Variants in TRIP12 observed in about 807,000 individuals in gnomAD.
TRIP12 encodes the protein thyroid hormone receptor interactor 12, also known as E3 ubiquitin-protein ligase TRIP12.
In TRIP12, 25 loss-of-function variants were observed where a neutral mutation model predicts 244.2. The observed-to-expected ratio is 0.10, with a 90% CI of 0.07 to 0.14. The LOEUF (loss-of-function observed/expected upper bound fraction) is 0.14. Among genes scored for constraint, TRIP12 ranks in the 10% least tolerant of loss-of-function variants. TRIP12 has a pLI of 1.00. For missense variants in TRIP12, 1,677 were observed against 2,486.4 expected (o/e 0.67, Z 6.92); for synonymous variants, 905 against 873.1 (o/e 1.04, Z -0.64).
At chr2:229,868,611 C>G (rs1008851917) in intron 2 of TRIP12, among the ~76,000 whole-genome samples, 1 of 152,230 alleles carries the variant, frequency 6.6e-6, no homozygotes, top group East Asian at 1.9e-4. Context: ...TCCTCCCAAA[C>G]AAGAAGCAGT....
chr2:229,886,013 A>G (rs1259516926), intron 1 of TRIP12, among the ~76,000 whole-genome samples: 1 of 152,176 alleles, frequency 6.6e-6, no homozygotes, highest in Non-Finnish European at 1.5e-5. Context: ...GTACAATCTT[A>G]AAGAAAAACG....
intron 2 of TRIP12, among the ~76,000 whole-genome samples, chr2:229,878,791 C>G (rs1195318547): frequency 6.6e-6 from 1 of 151,800 alleles, no homozygotes; most frequent in Non-Finnish European, 1.5e-5. Context: ...ACCATGTTAG[C>G]CAGGATGGTC....
chr2:229,866,823 C>T (rs1466630087), intron 2 of TRIP12, among the ~76,000 whole-genome samples: 2 of 152,096 alleles, frequency 1.3e-5, no homozygotes, highest in Non-Finnish European at 2.9e-5. Flanking sequence ...TTATAGGCCA[C>T]ACCATTTAAA....
At chr2:229,790,937 T>C (rs1056521011) in intron 30 of TRIP12, among the ~76,000 whole-genome samples, 187 bp downstream of exon 30, 2 of 152,222 alleles carry the variant, frequency 1.3e-5, no homozygotes, top group South Asian at 2.1e-4. Flanking sequence ...ATTTTGTAGG[T>C]ACTTAATTTT....
At chr2:229,915,604 G>C (rs2075226703) in intron 1 of TRIP12, among the ~76,000 whole-genome samples, 1 of 122,558 alleles carries the variant, frequency 8.2e-6, no homozygotes, top group Non-Finnish European at 1.7e-5. Flanking sequence ...ACACTACTTG[G>C]GATTAGTGTC....
intron 1 of TRIP12, among the ~76,000 whole-genome samples, chr2:229,917,346 A>C (rs1302257122): frequency 8.0e-6 from 1 of 124,312 alleles, no homozygotes; most frequent in Admixed American, 1.1e-4. Flanking sequence ...GCGCCATTGC[A>C]CTCCACCCTG....
upstream of TRIP12, chr2:229,922,746 T>C (rs966156385): frequency 3.6e-6 from 3 of 840,030 alleles, no homozygotes; most frequent in South Asian, 1.8e-5. Flanking sequence ...GCCGGGAGAT[T>C]TTCCTCGTCA....
chr2:229,883,986 G>T (rs576913186), intron 1 of TRIP12, among the ~76,000 whole-genome samples: 1 of 151,890 alleles, frequency 6.6e-6, no homozygotes, highest in African/African-American at 2.4e-5. Context: ...GTGCGCACCT[G>T]TAAAATCCCA....
In TRIP12 at chr2:229,869,835, C is replaced by T. The variant is rs560224896; in HGVS notation, c.99-9304G>A. ...CAACACAACTTTAAAGAACTACTAA[C>T]GAATTTAAACTTGCCAGAACGTTAG... is the stretch of plus-strand genomic sequence containing the variant. On this transcript the variant is annotated intron_variant, in intron 2 of 41. Transcript: ENST00000675903. 9.2e-5 allele frequency among the ~76,000 whole-genome samples: 14 copies of T among 152,308 alleles called. No homozygotes were observed. The East Asian group carries it at 2.5e-3, about 27-fold the overall frequency.
chr2:229,922,315 G>A, upstream of TRIP12: 1 of 592,734 alleles, frequency 1.7e-6, no homozygotes, highest in Non-Finnish European at 3.0e-6. Flanking sequence ...TCCCCCTCGG[G>A]TCACCCGGGA....
intron 5 of TRIP12, among the ~76,000 whole-genome samples, chr2:229,839,063 C>A (rs2055632532): frequency 6.6e-6 from 1 of 152,176 alleles, no homozygotes; most frequent in Non-Finnish European, 1.5e-5. Flanking sequence ...CAGTCATGTG[C>A]TGCATAATGT....
chr2:229,863,681 T>A (rs1381080892), intron 2 of TRIP12, among the ~76,000 whole-genome samples: 1 of 152,164 alleles, frequency 6.6e-6, no homozygotes, highest in Non-Finnish European at 1.5e-5. Context: ...TATAAATTAT[T>A]AATGCTCAAA....
chr2:229,787,160 C>A (rs1574988171), intron 33 of TRIP12, among the ~76,000 whole-genome samples: 1 of 152,102 alleles, frequency 6.6e-6, no homozygotes, highest in Admixed American at 6.5e-5. Context: ...CATAAGGGAT[C>A]AATTTTTAAA....
rs748549833 is a variant in TRIP12, at chr2:229,802,216, C to G, written c.3206+36G>C. ...TTAGGTACCAAAGCAGCGCTAACAGCAAAGAAATAAAAATCACAACACAAT... is the reference window on the plus strand; with the variant it reads ...TTAGGTACCAAAGCAGCGCTAACAGGAAAGAAATAAAAATCACAACACAAT... On this transcript the variant is annotated intron_variant, in intron 21 of 41. Transcript: ENST00000675903. 95 of 1,540,320 alleles carry G rather than the reference C, an allele frequency of 6.2e-5. No homozygotes were observed. In the Middle Eastern group the frequency reaches 3.1e-3, roughly 50 times the overall value.
chr2:229,841,057 C>T (rs910298076), intron 4 of TRIP12, 130 bp from the exon 5 acceptor site: 1 of 659,524 alleles, frequency 1.5e-6, no homozygotes, highest in Non-Finnish European at 2.6e-6. Flanking sequence ...AGCAGTATTA[C>T]TAGCTTTATT....
chr2:229,861,446 A>G (rs2060469011), intron 2 of TRIP12, among the ~76,000 whole-genome samples: 2 of 152,198 alleles, frequency 1.3e-5, no homozygotes, highest in Admixed American at 6.5e-5. Context: ...TATGTAATTC[A>G]TAGCTGATAT....
At chr2:229,785,951 A>C in intron 33 of TRIP12, 96 bp from the exon 34 acceptor site, 8 of 1,116,364 alleles carry the variant, frequency 7.2e-6, no homozygotes, top group African/African-American at 1.6e-5. Context: ...GAACAAGATC[A>C]ACTCAATTGT....
chr2:229,777,015 A>T (rs1218759602), intron 37 of TRIP12, among the ~76,000 whole-genome samples: 1 of 152,218 alleles, frequency 6.6e-6, no homozygotes, highest in African/African-American at 2.4e-5. Context: ...AAATGCTAAA[A>T]GATGATATAA....
intron 1 of TRIP12, among the ~76,000 whole-genome samples, chr2:229,904,689 C>T (rs1014131137): frequency 1.3e-5 from 2 of 152,006 alleles, no homozygotes; most frequent in Non-Finnish European, 2.9e-5. Flanking sequence ...TTAACAATTG[C>T]TCTATACTTT....
Sources: allele counts gnomAD v4.1 joint callset (sites outside exome capture counted in the v4.1 genomes callset), GRCh38; gene constraint gnomAD v4.1.1; transcripts MANE v1.5; gene names NCBI Gene and HGNC (gene_info 2026-07-23, HGNC 2026-07-21).